NEK3: variants seen among roughly 807,000 people sequenced by gnomAD.
The protein encoded by NEK3 is serine/threonine-protein kinase Nek3.
A neutral mutation model predicts 66.0 loss-of-function variants in NEK3; 54 were observed. That is an observed-to-expected ratio of 0.82 (90% CI 0.66 to 1.03). The LOEUF (loss-of-function observed/expected upper bound fraction) is 1.03. NEK3 is among the 50% of genes least tolerant of loss of function. The probability of loss-of-function intolerance (pLI) is 0.00; values close to 1 mark genes in which losing one functional copy is unlikely to be tolerated. For missense variants in NEK3, 593 were observed against 603.0 expected (o/e 0.98, Z 0.17); for synonymous variants, 200 against 206.2 (o/e 0.97, Z 0.26).
In NEK3 at chr13:52,156,237, G is replaced by C. The variant is rs377497689; in HGVS notation, c.-46C>G. The C allele has an allele frequency of 8.6e-7, 1 of 1,168,410 alleles. No homozygotes were observed. The highest frequency in any genetic ancestry group is 1.5e-5 in the African/African-American group (1 of 65,618). The allele number at this position is 1,168,410 out of a possible 1,614,324, so 72.4% of individuals were successfully genotyped here. On this transcript the variant is annotated 5_prime_UTR_variant, in exon 2 of 16. Transcript: ENST00000610828. ...GGGCTCCACTCACGCAGTCACCATG[G>C]GCTCTCCCAAACTGCATTCAAAAGC...
chr13:52,157,857 G>T (rs570868609), intron 1 of NEK3, among the ~76,000 whole-genome samples: 4 of 152,330 alleles, frequency 2.6e-5, no homozygotes, highest in African/African-American at 9.6e-5. Context: ...GAATTTACTT[G>T]ATTTTTCAAA....
At chr13:52,147,550 T>G (rs1431776228) in intron 8 of NEK3, among the ~76,000 whole-genome samples, 1 of 152,186 alleles carries the variant, frequency 6.6e-6, no homozygotes, top group African/African-American at 2.4e-5. Flanking sequence ...TCCAGTTGTA[T>G]GAAATACCTA....
At chr13:52,157,675 T>A (rs2138217891) in intron 1 of NEK3, among the ~76,000 whole-genome samples, 1 of 152,290 alleles carries the variant, frequency 6.6e-6, no homozygotes, top group Admixed American at 6.5e-5. Flanking sequence ...CCATCTATAT[T>A]TCCAGGATGA....
At chr13:52,138,646 A>G (rs1341742637) in intron 11 of NEK3, among the ~76,000 whole-genome samples, 4 of 152,212 alleles carry the variant, frequency 2.6e-5, no homozygotes, top group African/African-American at 9.7e-5. Context: ...TTGAAAGGTT[A>G]GGCCAGGTGA....
intron 11 of NEK3, among the ~76,000 whole-genome samples, chr13:52,137,281 A>T (rs933536897): frequency 6.6e-6 from 1 of 152,190 alleles, no homozygotes; most frequent in East Asian, 1.9e-4. Flanking sequence ...ACAAACTATA[A>T]TATCAAAATG....
intron 4 of NEK3, 138 bp downstream of exon 4, chr13:52,153,757 A>T (rs1956366648): frequency 1.6e-6 from 1 of 634,284 alleles, no homozygotes; most frequent in Admixed American, 2.7e-5. Flanking sequence ...AAGTGGTAAC[A>T]CCAATTCAGA....
At chr13:52,136,394 G>T in intron 12 of NEK3, 135 bp from the exon 13 acceptor site, 1 of 929,154 alleles carries the variant, frequency 1.1e-6, no homozygotes, top group Non-Finnish European at 1.5e-6. Context: ...AAAGATCAAT[G>T]TTCTTTCTAA....
chr13:52,141,064 G>T lies in NEK3; in HGVS notation c.883C>A (p.Pro295Thr). Residue 295 changes from proline (P) to threonine (T), a missense_variant, in exon 11 of 16, where the codon CCC becomes ACC. By Grantham distance (38) the Pro-to-Thr change is conservative. Transcript: ENST00000610828. ...KHNTPRKKTN[P>T]SRIRIALGNE... The stretch of plus-strand genomic sequence containing the variant: ...CCCAAAGCTATCCTGATTCTGCTGG[G>T]GTTTGCTTTTAAAAGAGAGAGAGAA... 1 of 1,598,768 alleles carries T rather than the reference G, an allele frequency of 6.3e-7. No individual in the cohort carries two copies. The highest frequency in any genetic ancestry group is 2.2e-5 in the East Asian group (1 of 44,614).
At chr13:52,146,564 GAAGTA>G (rs1237058357) in intron 8 of NEK3, among the ~76,000 whole-genome samples, 1 of 152,176 alleles carries the variant, frequency 6.6e-6, no homozygotes, top group Non-Finnish European at 1.5e-5. Flanking sequence ...GATACATCAG[GAAGTA>G]AAGAATTGTA....
At chr13:52,140,947 T>G in intron 11 of NEK3, 73 bp downstream of exon 11, 1 of 1,229,556 alleles carries the variant, frequency 8.1e-7, no homozygotes, top group Non-Finnish European at 1.1e-6. Context: ...CCCGAGTAGC[T>G]GGGATTACAG....
intron 1 of NEK3, among the ~76,000 whole-genome samples, chr13:52,158,267 T>C (rs1267300632): frequency 1.3e-5 from 2 of 152,306 alleles, no homozygotes; most frequent in African/African-American, 4.8e-5. Flanking sequence ...ACCTCTACTA[T>C]AGTGACCTGT....
At chr13:52,135,564 T>A (rs1956196720) in intron 14 of NEK3, among the ~76,000 whole-genome samples, 165 bp downstream of exon 14, 1 of 152,156 alleles carries the variant, frequency 6.6e-6, no homozygotes, top group Non-Finnish European at 1.5e-5. Context: ...ATGAGAACAT[T>A]TCTGTGGATG....
In NEK3 at chr13:52,152,698, A is replaced by C. The variant is rs1566861060; in HGVS notation, c.310-6T>G. On this transcript the variant is annotated splice_region_variant and splice_polypyrimidine_tract_variant and intron_variant, in intron 4 of 15. Transcript: ENST00000610828. ...TGGGTAAACCAATTAAGTATCTGTA[A>C]GAAAAAGGTATGCAAAATCTTCAAG... The C allele has an allele frequency of 6.3e-7, 1 of 1,591,384 alleles. No homozygotes were observed. The highest frequency in any genetic ancestry group is 8.6e-7 in the Non-Finnish European group (1 of 1,163,860).
intron 5 of NEK3, among the ~76,000 whole-genome samples, chr13:52,151,876 A>C (rs1956349847): frequency 6.6e-6 from 1 of 152,244 alleles, no homozygotes; most frequent in South Asian, 2.1e-4. Flanking sequence ...TTAAATATAC[A>C]ACTACTTACC....
At chr13:52,133,315 A>T (rs1489630360) in intron 15 of NEK3, 89 bp from the exon 16 acceptor site, 3 of 1,067,182 alleles carry the variant, frequency 2.8e-6, no homozygotes, top group Non-Finnish European at 4.1e-6. Context: ...CCATAACAAT[A>T]CTTAAGCTTT....
chr13:52,150,400 G>A (rs1351453002), intron 7 of NEK3, among the ~76,000 whole-genome samples: 1 of 152,084 alleles, frequency 6.6e-6, no homozygotes, highest in Non-Finnish European at 1.5e-5. Context: ...GTGGGGAAAT[G>A]ACTATAATAT....
intron 8 of NEK3, among the ~76,000 whole-genome samples, chr13:52,147,489 A>C (rs961009053): frequency 6.6e-6 from 1 of 152,252 alleles, no homozygotes; most frequent in African/African-American, 2.4e-5. Flanking sequence ...AACCTTGAAA[A>C]CACTGTGCTA....
At chr13:52,135,578 A>G (rs536026459) in intron 14 of NEK3, 151 bp downstream of exon 14, 75 of 565,608 alleles carry the variant, frequency 1.3e-4, no homozygotes, top group Non-Finnish European at 1.9e-4. Context: ...GTGGATGGAA[A>G]CTGGTGATGG....
rs1319183109 is a variant in NEK3 at position 52,154,024 on chromosome 13, G to A, written c.212-32C>T. On this transcript the variant is annotated intron_variant, in intron 3 of 15. Coordinates refer to ENST00000610828, the MANE Select transcript of NEK3 (RefSeq NM_002498.3). Reference sequence around the variant, plus strand: ...CAGATATAAGCTCTTTAGAAAAGCTGTAGTGGCTATAAATCAAATTCAGAA... The same window carrying A: ...CAGATATAAGCTCTTTAGAAAAGCTATAGTGGCTATAAATCAAATTCAGAA... 3.1e-6 allele frequency: 5 copies of A among 1,601,302 alleles called. No homozygotes were observed. The South Asian group carries it at 5.5e-5, about 18-fold the overall frequency.
Sources: gnomAD v4.1 joint callset for allele counts (sites outside exome capture counted in the v4.1 genomes callset) on GRCh38, gnomAD v4.1.1 for gene constraint, MANE v1.5 for transcripts, NCBI Gene and HGNC (gene_info 2026-07-23, HGNC 2026-07-21) for gene names.